The following OTUD6A variants were observed in gnomAD, a reference collection of about 807,000 sequenced individuals.
The protein encoded by OTUD6A is OTU domain-containing protein 6A.
For missense variants in OTUD6A, 209 were observed against 268.2 expected (o/e 0.78, Z 1.54); for synonymous variants, 138 against 120.2 (o/e 1.15, Z -0.97).
At position 70,063,368 on chromosome X, in the gene OTUD6A, G is replaced by A. The variant is rs1217156623; in HGVS notation, c.844G>A (p.Gly282Ser). 1.7e-6 allele frequency: 2 copies of A among 1,196,439 alleles called. No homozygotes were observed. Among genetic ancestry groups the A allele is most frequent in the Admixed American group, 2.2e-5 (1 of 45,154 alleles). ...ACCGCTCGAGGCCGGCGCCGCCGGG[G>A]GCGTGCTCCCGCGTCTCCTGTAGGC... ...VTPLEAGAAG[G>S]VLPRLL The change falls in exon 1 of 1, where the codon GGC becomes AGC. Residue 282 changes from glycine (G) to serine (S), a missense_variant. Coordinates refer to ENST00000338352, the MANE Select transcript of OTUD6A (RefSeq NM_207320.3).
In OTUD6A at chrX:70,064,006, A is replaced by C. The variant is rs1168276355; in HGVS notation, c.*615A>C. The C allele has an allele frequency of 8.9e-6, 1 of 112,155 alleles. No homozygotes were observed. Among genetic ancestry groups the C allele is most frequent in the East Asian group, 2.8e-4 (1 of 3,566 alleles). 9.2% of individuals were successfully genotyped at this position (112,155 alleles called of 1,213,427 possible). On this transcript the variant is annotated 3_prime_UTR_variant, in exon 1 of 1. Transcript: ENST00000338352. ...TTGCACTCCAGCGTGGAAGACAGTG[A>C]GACTCCGTCTCAAAAAAATGAAAAA...
Position 70,062,959 on chromosome X carries a change from G to A in OTUD6A, c.435G>A (p.Ala145=). ...ILGARGLEMK[A]IPADGHCMYR... is the part of the protein sequence containing the mutation. Reference sequence around the variant, plus strand: ...GAGCCAGGGGTCTGGAGATGAAAGCGATCCCGGCCGACGGCCACTGCATGT... The same window carrying A: ...GAGCCAGGGGTCTGGAGATGAAAGCAATCCCGGCCGACGGCCACTGCATGT... Residue 145 remains alanine (A), a synonymous_variant, in exon 1 of 1, where the codon GCG becomes GCA. Coordinates refer to ENST00000338352, the MANE Select transcript of OTUD6A (RefSeq NM_207320.3). 4.2e-6 allele frequency: 5 copies of A among 1,203,454 alleles called. No individual in the cohort carries two copies. Among genetic ancestry groups the A allele is most frequent in the Non-Finnish European group, 4.5e-6 (4 of 891,632 alleles).
rs2020463504 is a variant in OTUD6A, at chrX:70,063,763, G to A, written c.*372G>A. 6.8e-6 allele frequency: 1 copy of A among 146,131 alleles called. No individual in the cohort carries two copies. 12.0% of individuals were successfully genotyped at this position (146,131 alleles called of 1,213,427 possible). A position where few individuals can be genotyped will look rare whatever the true frequency, so the allele number is the denominator to read the frequency against. ...ATATTGGCCGGGCGCGGTGGCTCACGCCTGTAATCCCAGCACTTTGGGAGG... is the reference window on the plus strand; with the variant it reads ...ATATTGGCCGGGCGCGGTGGCTCACACCTGTAATCCCAGCACTTTGGGAGG... On this transcript the variant is annotated 3_prime_UTR_variant, in exon 1 of 1. Transcript: ENST00000338352.
chrX:70,063,496 T>C lies in OTUD6A; in HGVS notation c.*105T>C, dbSNP rs2020461671. On this transcript the variant is annotated 3_prime_UTR_variant, in exon 1 of 1. Transcript: ENST00000338352. ...TGCTTTTCTCTGTTTTTCTTTTCCTTCCTTTTAATCAAAACTACCCGCCCC... is the reference window on the plus strand; with the variant it reads ...TGCTTTTCTCTGTTTTTCTTTTCCTCCCTTTTAATCAAAACTACCCGCCCC... The C allele has an allele frequency of 2.0e-6, 2 of 985,347 alleles. No individual in the cohort carries two copies. Among genetic ancestry groups the C allele is most frequent in the African/African-American group, 1.9e-5 (1 of 51,375 alleles). 81.2% of individuals were successfully genotyped at this position (985,347 alleles called of 1,213,427 possible).
rs761904845 is a variant in OTUD6A, at chrX:70,062,549, C to A, written c.25C>A (p.Gln9Lys). The change falls in exon 1 of 1, where the codon CAG becomes AAG. Residue 9 changes from glutamine (Q) to lysine (K), a missense_variant. Gln to Lys is a moderately conservative substitution (Grantham distance 53). Coordinates refer to ENST00000338352, the MANE Select transcript of OTUD6A (RefSeq NM_207320.3). MDDPKSEQ[Q>K]RILRRHQRER... ...CATGGATGATCCGAAGAGTGAACAG[C>A]AGCGCATACTGCGCCGCCACCAACG... 1 of 1,208,472 alleles carries A rather than the reference C, an allele frequency of 8.3e-7. No individual in the cohort carries two copies. Among genetic ancestry groups the A allele is most frequent in the East Asian group, 3.0e-5 (1 of 33,796 alleles).
At position 70,063,112 on chromosome X, in the gene OTUD6A, C is replaced by A. The variant is rs1293180260; in HGVS notation, c.588C>A (p.Asp196Glu). 1 of 1,210,029 alleles carries A rather than the reference C, an allele frequency of 8.3e-7. No individual in the cohort carries two copies. ...LPFFSNPETS[D>E]SFGYDDFMIY... ...TCTTCAGCAACCCCGAGACCAGCGA[C>A]TCCTTCGGCTACGACGACTTCATGA... The change falls in exon 1 of 1, where the codon GAC becomes GAA. Residue 196 changes from aspartate (D) to glutamate (E), a missense_variant. Asp to Glu is a conservative substitution (Grantham distance 45). Coordinates refer to ENST00000338352, the MANE Select transcript of OTUD6A (RefSeq NM_207320.3).
rs1456697528 is a variant in OTUD6A, at chrX:70,063,577, C to CCCCGGAAATAT, written c.*186_*187insCCCGGAAATAT. ...CTTTCACAGGGTGGGAAACGAAATT[C>CCCCGGAAATAT]GAGGGAAATTCCCCGGAAATATGAG... On this transcript the variant is annotated 3_prime_UTR_variant, in exon 1 of 1. Coordinates refer to ENST00000338352, the MANE Select transcript of OTUD6A (RefSeq NM_207320.3). The CCCCGGAAATAT allele has an allele frequency of 1.5e-5, 8 of 521,995 alleles. No individual in the cohort carries two copies. Among genetic ancestry groups the CCCCGGAAATAT allele is most frequent in the African/African-American group, 1.2e-4 (5 of 41,592 alleles). 43.0% of individuals were successfully genotyped at this position (521,995 alleles called of 1,213,427 possible). A position where few individuals can be genotyped will look rare whatever the true frequency, so the allele number is the denominator to read the frequency against.
At position 70,063,354 on chromosome X, in the gene OTUD6A, C is replaced by A. The variant is rs1602637314; in HGVS notation, c.830C>A (p.Ala277Asp). The A allele has an allele frequency of 1.7e-6, 2 of 1,197,407 alleles. No homozygotes were observed. The highest frequency in any genetic ancestry group is 1.7e-5 in the African/African-American group (1 of 57,321). The change falls in exon 1 of 1, where the codon GCC becomes GAC. Residue 277 changes from alanine (A) to aspartate (D), a missense_variant. Coordinates refer to ENST00000338352, the MANE Select transcript of OTUD6A (RefSeq NM_207320.3). ...EHYNSVTPLE[A>D]GAAGGVLPRL... Reference sequence around the variant, plus strand: ...TACAACTCCGTGACACCGCTCGAGGCCGGCGCCGCCGGGGGCGTGCTCCCG... The same window carrying A: ...TACAACTCCGTGACACCGCTCGAGGACGGCGCCGCCGGGGGCGTGCTCCCG...
rs777099718 is a variant in OTUD6A at position 70,062,765 on chromosome X, A to G, written c.241A>G (p.Lys81Glu). Reference protein sequence around the residue: ...SIESVVEDLAKMNLENRPPRS... With the variant: ...SIESVVEDLAEMNLENRPPRS... ...TGAATCTGTCGTCGAAGACCTGGCC[A>G]AGATGAATCTGGAAAACCGGCCTCC... Residue 81 changes from lysine (K) to glutamate (E), a missense_variant, in exon 1 of 1, where the codon AAG becomes GAG. Coordinates refer to ENST00000338352, the MANE Select transcript of OTUD6A (RefSeq NM_207320.3). 3.3e-6 allele frequency: 4 copies of G among 1,210,152 alleles called. No individual in the cohort carries two copies. In the Admixed American group the frequency reaches 8.7e-5, roughly 26 times the overall value.
In OTUD6A at chrX:70,063,702, GGTCAT is replaced by G; in HGVS notation, c.*314_*318del. The G allele has an allele frequency of 7.9e-6, 2 of 253,812 alleles. No homozygotes were observed. The highest frequency in any genetic ancestry group is 1.2e-4 in the Admixed American group (2 of 16,260). The allele number at this position is 253,812 out of a possible 1,213,427, so 20.9% of individuals were successfully genotyped here. On this transcript the variant is annotated 3_prime_UTR_variant, in exon 1 of 1. Coordinates refer to ENST00000338352, the MANE Select transcript of OTUD6A (RefSeq NM_207320.3). The stretch of plus-strand genomic sequence containing the variant: ...TTACCTCCCTCACCAACTAAGATTT[GGTCAT>G]GTTGCGTATAACTTCACCACAAAAA...
chrX:70,062,929 C>A lies in OTUD6A; in HGVS notation c.405C>A (p.Ile135=). The A allele has an allele frequency of 8.4e-7, 1 of 1,194,616 alleles. No individual in the cohort carries two copies. Among genetic ancestry groups the A allele is most frequent in the Non-Finnish European group, 1.1e-6 (1 of 887,086 alleles). ...AGGAGGAGGAGAAGCTCGCCGCCAT[C>A]CTGGGAGCCAGGGGTCTGGAGATGA... ...KREEEEKLAA[I]LGARGLEMKA... Residue 135 remains isoleucine, a synonymous_variant, in exon 1 of 1, where the codon ATC becomes ATA. Transcript: ENST00000338352.
In OTUD6A at chrX:70,063,282, C is replaced by G. The variant is rs759073554; in HGVS notation, c.758C>G (p.Pro253Arg). Residue 253 changes from proline to arginine, a missense_variant, in exon 1 of 1, where the codon CCG becomes CGG. Coordinates refer to ENST00000338352, the MANE Select transcript of OTUD6A (RefSeq NM_207320.3). ...ATCGGGGAGGAGTACGTCAAGAAGC[C>G]GATCATCCTGGTCTACCTGCGCTAT... ...LIIGEEYVKKPIILVYLRYAY... is the reference protein window; with the variant it reads ...LIIGEEYVKKRIILVYLRYAY... 5.0e-6 allele frequency: 6 copies of G among 1,211,183 alleles called. No homozygotes were observed. The South Asian group carries it at 8.8e-5, about 18-fold the overall frequency.
rs748143653 is a variant in OTUD6A at position 70,062,878 on chromosome X, G to A, written c.354G>A (p.Ser118=). 2 of 1,188,326 alleles carry A rather than the reference G, an allele frequency of 1.7e-6. No individual in the cohort carries two copies. Among genetic ancestry groups the A allele is most frequent in the South Asian group, 3.7e-5 (2 of 54,221 alleles). ...RQESIFQAEM[S]EHLAGFKREE... ...AGAGCATCTTCCAGGCTGAGATGTC[G>A]GAGCACCTGGCCGGCTTCAAGCGCG... Residue 118 remains serine, a synonymous_variant, in exon 1 of 1, where the codon TCG becomes TCA. Transcript: ENST00000338352.
In OTUD6A at chrX:70,063,142, C is replaced by T. The variant is rs764903665; in HGVS notation, c.618C>T (p.Tyr206=). ...TCGGCTACGACGACTTCATGATCTA[C>T]TGCGACAACATCGTGCGCACCACGG... ...DSFGYDDFMI[Y]CDNIVRTTAW... Residue 206 remains tyrosine (Y), a synonymous_variant, in exon 1 of 1, where the codon TAC becomes TAT. Transcript: ENST00000338352. The T allele has an allele frequency of 2.1e-5, 25 of 1,209,930 alleles. No homozygotes were observed. The highest frequency in any genetic ancestry group is 2.7e-5 in the Non-Finnish European group (24 of 895,236).
rs777847236 is a variant in OTUD6A at position 70,062,880 on chromosome X, A to G, written c.356A>G (p.Glu119Gly). Residue 119 changes from glutamate (E) to glycine (G), a missense_variant, in exon 1 of 1, where the codon GAG (glutamate) becomes GGG (glycine). Glu to Gly is a moderately conservative substitution (Grantham distance 98). Coordinates refer to ENST00000338352, the MANE Select transcript of OTUD6A (RefSeq NM_207320.3). The part of the protein sequence containing the change: ...QESIFQAEMS[E>G]HLAGFKREEE... ...AGCATCTTCCAGGCTGAGATGTCGG[A>G]GCACCTGGCCGGCTTCAAGCGCGAG... The G allele has an allele frequency of 8.4e-6, 10 of 1,188,438 alleles. No individual in the cohort carries two copies. Among genetic ancestry groups the G allele is most frequent in the Non-Finnish European group, 1.0e-5 (9 of 884,074 alleles).
Position 70,064,014 on chromosome X carries a change from T to C in OTUD6A, c.*623T>C, listed in dbSNP as rs773412625. On this transcript the variant is annotated 3_prime_UTR_variant, in exon 1 of 1. Coordinates refer to ENST00000338352, the MANE Select transcript of OTUD6A (RefSeq NM_207320.3). ...CAGCGTGGAAGACAGTGAGACTCCG[T>C]CTCAAAAAAATGAAAAATTAGCCAG... The C allele has an allele frequency of 9.0e-6, 1 of 111,566 alleles. No individual in the cohort carries two copies. The highest frequency in any genetic ancestry group is 1.9e-5 in the Non-Finnish European group (1 of 53,029). The allele number at this position is 111,566 out of a possible 1,213,427, so 9.2% of individuals were successfully genotyped here. A position where few individuals can be genotyped will look rare whatever the true frequency, so the allele number is the denominator to read the frequency against.
Position 70,062,748 on chromosome X carries a change from T to C in OTUD6A, c.224T>C (p.Val75Ala). The change falls in exon 1 of 1, where the codon GTC becomes GCC. Residue 75 changes from valine to alanine, a missense_variant. Coordinates refer to ENST00000338352, the MANE Select transcript of OTUD6A (RefSeq NM_207320.3). ...CAAGACGACAGTAGCATTGAATCTG[T>C]CGTCGAAGACCTGGCCAAGATGAAT... ...KFQDDSSIES[V>A]VEDLAKMNLE... 1.7e-6 allele frequency: 2 copies of C among 1,209,393 alleles called. No individual in the cohort carries two copies. Among genetic ancestry groups the C allele is most frequent in the Non-Finnish European group, 2.2e-6 (2 of 894,469 alleles).
Position 70,063,219 on chromosome X carries a change from C to G in OTUD6A, c.695C>G (p.Pro232Arg). The G allele has an allele frequency of 1.7e-6, 2 of 1,211,695 alleles. No homozygotes were observed. The highest frequency in any genetic ancestry group is 3.5e-5 in the South Asian group (2 of 56,996). Residue 232 changes from proline (P) to arginine (R), a missense_variant, in exon 1 of 1, where the codon CCC becomes CGC. Physicochemically the swap from Pro to Arg is moderately radical, Grantham distance 103. Transcript: ENST00000338352. ...GCCCTGTCGCACGTCCTGAAGACCCCCATCGAGGTGATCCAGGCCGACTCG... is the reference window on the plus strand; with the variant it reads ...GCCCTGTCGCACGTCCTGAAGACCCGCATCGAGGTGATCCAGGCCGACTCG... ...LRALSHVLKTPIEVIQADSPT... is the reference protein window; with the variant it reads ...LRALSHVLKTRIEVIQADSPT...
Position 70,062,753 on chromosome X carries a change from G to A in OTUD6A, c.229G>A (p.Glu77Lys), listed in dbSNP as rs373072089. The A allele has an allele frequency of 4.1e-6, 5 of 1,209,454 alleles. No homozygotes were observed. Among genetic ancestry groups the A allele is most frequent in the East Asian group, 3.0e-5 (1 of 33,710 alleles). Residue 77 changes from glutamate (E) to lysine (K), a missense_variant, in exon 1 of 1, where the codon GAA becomes AAA. Transcript: ENST00000338352. ...QDDSSIESVVEDLAKMNLENR... is the reference protein window; with the variant it reads ...QDDSSIESVVKDLAKMNLENR... Reference sequence around the variant, plus strand: ...CGACAGTAGCATTGAATCTGTCGTCGAAGACCTGGCCAAGATGAATCTGGA... The same window carrying A: ...CGACAGTAGCATTGAATCTGTCGTCAAAGACCTGGCCAAGATGAATCTGGA...
Sources: gnomAD v4.1 joint callset for allele counts on GRCh38, gnomAD v4.1.1 for gene constraint, MANE v1.5 for transcripts, NCBI Gene and HGNC (gene_info 2026-07-23, HGNC 2026-07-21) for gene names.